The following RNF115 variants were observed in gnomAD, a reference collection of about 807,000 sequenced individuals.
RNF115 encodes E3 ubiquitin-protein ligase RNF115.
RNF115 carries 31 observed loss-of-function variants against 39.2 expected under a neutral mutation model. The ratio of observed to expected loss-of-function variants is 0.79; its 90% CI spans 0.59 to 1.07. The LOEUF is 1.07. RNF115 is among the 50% of genes least tolerant of loss of function. The pLI is 0.00. For missense variants in RNF115, 384 were observed against 381.7 expected, an observed-to-expected ratio of 1.01 and a Z score of -0.05; for synonymous variants, 124 against 131.0, an observed-to-expected ratio of 0.95 and a Z score of 0.37.
intron 1 of RNF115, 110 bp downstream of exon 1, chr1:145,823,662 G>C: frequency 1.1e-6 from 1 of 913,460 alleles, no homozygotes; most frequent in Non-Finnish European, 1.6e-6. Context: ...GTATTCGGCA[G>C]ACCGATGTCG....
Position 145,810,935 on chromosome 1 carries a change from G to A in RNF115, c.102+12837C>T, listed in dbSNP as rs587645596. Reference sequence around the variant, plus strand: ...GGCTGGAGTGCAGCGGTGTGATCACGGTTCACTACAGCCTTGACCTCTTGG... The same window carrying A: ...GGCTGGAGTGCAGCGGTGTGATCACAGTTCACTACAGCCTTGACCTCTTGG... On this transcript the variant is annotated intron_variant, in intron 1 of 8. Transcript: ENST00000582693. Among the ~76,000 whole-genome samples the A allele has an allele frequency of 7.2e-3, 1,074 of 148,642 alleles. 5 individuals are homozygous for A. The highest frequency in any genetic ancestry group is 0.026 in the African/African-American group (1,028 of 39,532).
chr1:145,755,703 G>A (rs190363521), intron 4 of RNF115, among the ~76,000 whole-genome samples: 12 of 152,194 alleles, frequency 7.9e-5, no homozygotes, highest in Non-Finnish European at 1.3e-4. Flanking sequence ...AGGACTTTGA[G>A]GAGAGCATCA....
chr1:145,816,736 T>TTTTC (rs1553723620), intron 1 of RNF115, among the ~76,000 whole-genome samples: 1 of 147,040 alleles, frequency 6.8e-6, no homozygotes, highest in Non-Finnish European at 1.5e-5. Context: ...TTTCTTTTTC[T>TTTTC]TTTTCTTTTC....
chr1:145,769,617 T>C (rs587693871), intron 4 of RNF115, among the ~76,000 whole-genome samples: 4 of 152,206 alleles, frequency 2.6e-5, no homozygotes, highest in South Asian at 4.1e-4. Flanking sequence ...CTTTAAATAA[T>C]AGGTAATTCC....
intron 3 of RNF115, among the ~76,000 whole-genome samples, chr1:145,778,152 A>AAAAATG (rs1647964701): frequency 6.6e-6 from 1 of 152,240 alleles, no homozygotes; most frequent in African/African-American, 2.4e-5. Flanking sequence ...ATCCAGCCAT[A>AAAAATG]AAAATGAAGT....
At position 145,753,034 on chromosome 1, in the gene RNF115, G is replaced by A; in HGVS notation, c.444C>T (p.Ile148=). The A allele has an allele frequency of 6.2e-7, 1 of 1,609,836 alleles. No homozygotes were observed. The highest frequency in any genetic ancestry group is 8.5e-7 in the Non-Finnish European group (1 of 1,176,268). ...SPAIEGILQH[I]FAGFFANSAI... is the part of the protein sequence containing the mutation. The stretch of plus-strand genomic sequence containing the variant: ...CAGAATTTGCAAAGAATCCTGCAAA[G>A]ATGTGTTGTAGTATTCTGTTACAGA... The change falls in exon 5 of 9, where the codon ATC becomes ATT. Residue 148 remains isoleucine (I), a synonymous_variant. Transcript: ENST00000582693.
At position 145,739,364 on chromosome 1, in the gene RNF115, G is replaced by A. The variant is rs1401194085; in HGVS notation, c.*7502C>T. 1 of 152,210 alleles carries A rather than the reference G, an allele frequency of 6.6e-6. No homozygotes were observed. The highest frequency in any genetic ancestry group is 1.5e-5 in the Non-Finnish European group (1 of 68,040). The allele number at this position is 152,210 out of a possible 1,614,324, so 9.4% of individuals were successfully genotyped here. On this transcript the variant is annotated 3_prime_UTR_variant, in exon 9 of 9. Coordinates refer to ENST00000582693, the MANE Select transcript of RNF115 (RefSeq NM_014455.4). ...ACACTTTACCTGTGCTCCTTGGCAA[G>A]GACCTGCCAAATGTGGGAGCTAAGG...
chr1:145,819,567 T>C (rs1459329451), intron 1 of RNF115, among the ~76,000 whole-genome samples: 10 of 152,124 alleles, frequency 6.6e-5, no homozygotes, highest in African/African-American at 2.2e-4. Context: ...ACTGAAATTA[T>C]TCCAAAAAAT....
intron 1 of RNF115, among the ~76,000 whole-genome samples, chr1:145,807,778 CTTCT>C (rs1217055824): frequency 2.6e-5 from 4 of 152,010 alleles, no homozygotes; most frequent in African/African-American, 4.8e-5. Flanking sequence ...GAACTTATTC[CTTCT>C]ATCTAATTTT....
At chr1:145,748,265 A>T (rs181814406) in intron 7 of RNF115, among the ~76,000 whole-genome samples, 155 bp from the exon 8 acceptor site, 9 of 152,316 alleles carry the variant, frequency 5.9e-5, no homozygotes, top group African/African-American at 2.2e-4. Flanking sequence ...AAGAGGCATG[A>T]CTTGTATTTC....
intron 7 of RNF115, among the ~76,000 whole-genome samples, chr1:145,750,199 G>A (rs1332909660): frequency 1.3e-5 from 2 of 152,128 alleles, no homozygotes; most frequent in Non-Finnish European, 2.9e-5. Flanking sequence ...AAAGGGGTAG[G>A]AACTTTCCAG....
At position 145,788,895 on chromosome 1, in the gene RNF115, G is replaced by A. The variant is rs1648511339; in HGVS notation, c.161+13C>T. The A allele has an allele frequency of 3.8e-6, 6 of 1,567,540 alleles. No individual in the cohort carries two copies. Among genetic ancestry groups the A allele is most frequent in the Non-Finnish European group, 5.3e-6 (6 of 1,141,284 alleles). ...AATAGAATGTCTGATTTATTCATGA[G>A]CTTGTACAATACCTGGAATCATCTG... On this transcript the variant is annotated intron_variant, in intron 2 of 8. Coordinates refer to ENST00000582693, the MANE Select transcript of RNF115 (RefSeq NM_014455.4).
intron 1 of RNF115, among the ~76,000 whole-genome samples, chr1:145,819,915 G>A (rs1650159431): frequency 6.6e-6 from 1 of 152,014 alleles, no homozygotes; most frequent in African/African-American, 2.4e-5. Flanking sequence ...GTGCAAACCT[G>A]TAATCCCAGG....
chr1:145,758,683 AATCCT>A (rs2101484461), intron 4 of RNF115, among the ~76,000 whole-genome samples: 1 of 152,284 alleles, frequency 6.6e-6, no homozygotes, highest in South Asian at 2.1e-4. Flanking sequence ...TGTAAAAGTC[AATCCT>A]ATATGAATGC....
Position 145,753,626 on chromosome 1 carries a change from T to G in RNF115, c.429-577A>C, listed in dbSNP as rs1018068816. 2.6e-5 allele frequency among the ~76,000 whole-genome samples: 4 copies of G among 152,206 alleles called. No homozygotes were observed. The East Asian group carries it at 7.7e-4, about 29-fold the overall frequency. ...ACAGTTCTTTACACGAATGAGTCTT[T>G]GTTACCCAAAGAGATACTGGAGTGA... On this transcript the variant is annotated intron_variant, in intron 4 of 8. Coordinates refer to ENST00000582693, the MANE Select transcript of RNF115 (RefSeq NM_014455.4).
chr1:145,787,251 C>G (rs587743824), intron 2 of RNF115, among the ~76,000 whole-genome samples: 2 of 152,176 alleles, frequency 1.3e-5, no homozygotes, highest in Non-Finnish European at 2.9e-5. Context: ...AAGAGGCCAT[C>G]CTATCAATGC....
chr1:145,796,597 G>C (rs774975766), intron 1 of RNF115, among the ~76,000 whole-genome samples: 33 of 151,932 alleles, frequency 2.2e-4, no homozygotes, highest in Non-Finnish European at 7.4e-5. Context: ...ATGTTGCCCA[G>C]GCTGGTCTTG....
chr1:145,752,978 C>T lies in RNF115; in HGVS notation c.500G>A (p.Trp167Ter). Residue 167 changes from tryptophan (W) to a stop codon, truncating the protein, a stop_gained and splice_region_variant, in exon 5 of 9, where the codon TGG becomes TAG. Transcript: ENST00000582693. LOFTEE classifies it high-confidence loss of function. ...AIPGSPHPFS[W>*]SGMLHSNPGD... is the part of the protein sequence containing the mutation. ...AGATAGAAAACAATTAGTTACTTAC[C>T]AGGAAAAAGGGTGTGGAGATCCAGG... is the stretch of plus-strand genomic sequence containing the variant. The T allele has an allele frequency of 6.3e-7, 1 of 1,590,136 alleles. No individual in the cohort carries two copies.
At chr1:145,772,953 G>A (rs1647707478) in intron 3 of RNF115, 1 of 152,104 alleles carries the variant, frequency 6.6e-6, no homozygotes, top group African/African-American at 2.4e-5. Flanking sequence ...CTCCAAGTTT[G>A]CTGATTCTTC....
Sources: gnomAD v4.1 joint callset for allele counts (sites outside exome capture counted in the v4.1 genomes callset) on GRCh38, gnomAD v4.1.1 for gene constraint, MANE v1.5 for transcripts, NCBI Gene and HGNC (gene_info 2026-07-23, HGNC 2026-07-21) for gene names.